The following TRIM38 variants were observed in gnomAD, a reference collection of about 807,000 sequenced individuals.
The protein encoded by TRIM38 is E3 ubiquitin-protein ligase TRIM38.
Under a neutral mutation model 35.8 loss-of-function variants are expected in TRIM38, and 35 were observed. The observed-to-expected ratio is 0.98, with a 90% confidence interval of 0.75 to 1.30. The LOEUF (loss-of-function observed/expected upper bound fraction) is 1.30. Among genes scored for constraint, TRIM38 ranks in the 50% most tolerant of loss-of-function variants. TRIM38 has a pLI of 0.00. For synonymous variants in TRIM38, 198 were observed against 204.7 expected (o/e 0.97, Z 0.28); for missense variants, 545 against 556.9 (o/e 0.98, Z 0.21).
At chr6:25,975,680 G>A in intron 7 of TRIM38, 1 of 977,918 alleles carries the variant, frequency 1.0e-6, no homozygotes, top group Non-Finnish European at 1.2e-6. Flanking sequence ...TCTCTAGGTA[G>A]GGTGATCTAT....
chr6:25,980,056 G>A (rs1464685300), intron 7 of TRIM38, among the ~76,000 whole-genome samples: 1 of 152,122 alleles, frequency 6.6e-6, no homozygotes, highest in African/African-American at 2.4e-5. Flanking sequence ...TGTTCAGACT[G>A]TTTTCTGCCT....
At position 25,966,496 on chromosome 6, in the gene TRIM38, C is replaced by T; in HGVS notation, c.-27C>T. On this transcript the variant is annotated 5_prime_UTR_variant, in exon 3 of 8. Coordinates refer to ENST00000357085, the MANE Select transcript of TRIM38 (RefSeq NM_006355.5). ...GCTGCTTCATCTCCATCTCTAGAGC[C>T]AATATTGGAGCTTTTCAATAAAAGC... The T allele has an allele frequency of 1.9e-6, 3 of 1,560,842 alleles. No homozygotes were observed. The highest frequency in any genetic ancestry group is 2.6e-6 in the Non-Finnish European group (3 of 1,154,308).
At chr6:25,968,178 G>A (rs1467460693) in intron 3 of TRIM38, among the ~76,000 whole-genome samples, 3 of 152,166 alleles carry the variant, frequency 2.0e-5, no homozygotes, top group African/African-American at 7.2e-5. Context: ...GGTCTTGTAT[G>A]AAGGCTCTAA....
rs1581612376 is a variant in TRIM38, at chr6:25,983,985, G to GT, written c.*299dup. ...ATTTCCAAGGGTCTTCAGGTGATGA[G>GT]TAGGGGTACCCACAAGTCAGAAGGT... On this transcript the variant is annotated 3_prime_UTR_variant, in exon 8 of 8. Transcript: ENST00000357085. 1 of 256,716 alleles carries GT rather than the reference G, an allele frequency of 3.9e-6. No individual in the cohort carries two copies. Among genetic ancestry groups the GT allele is most frequent in the Admixed American group, 4.9e-5 (1 of 20,492 alleles). 15.9% of individuals were successfully genotyped at this position (256,716 alleles called of 1,614,324 possible).
chr6:25,968,329 G>T (rs1168201683), intron 3 of TRIM38, among the ~76,000 whole-genome samples: 3 of 152,122 alleles, frequency 2.0e-5, no homozygotes, highest in Non-Finnish European at 2.9e-5. Flanking sequence ...AAAGGAACCA[G>T]CTTATGTTGA....
At position 25,972,022 on chromosome 6, in the gene TRIM38, C is replaced by T; in HGVS notation, c.661C>T (p.Leu221=). Residue 221 remains leucine (L), a synonymous_variant, in exon 5 of 8, where the codon CTG becomes TTG. Transcript: ENST00000357085. ...RLRDYEAGLG[L]KSNELKSHIL... is the part of the protein sequence containing the mutation. ...GAGGGACTATGAGGCTGGTCTGGGG[C>T]TGAAGAGCAATGAACTCAAGAGCCA... 6.2e-7 allele frequency: 1 copy of T among 1,614,022 alleles called. No individual in the cohort carries two copies. Among genetic ancestry groups the T allele is most frequent in the African/African-American group, 1.3e-5 (1 of 74,972 alleles).
intron 3 of TRIM38, among the ~76,000 whole-genome samples, chr6:25,967,165 A>G (rs1199443101): frequency 6.6e-6 from 1 of 152,162 alleles, no homozygotes; most frequent in Non-Finnish European, 1.5e-5. Flanking sequence ...GTTATGATGA[A>G]TTTCTTTTTG....
intron 7 of TRIM38, among the ~76,000 whole-genome samples, chr6:25,980,279 G>T (rs184416610): frequency 2.6e-4 from 40 of 152,298 alleles, no homozygotes; most frequent in African/African-American, 8.9e-4. Context: ...ATCCCATGAT[G>T]ATTGTAGATT....
At chr6:25,971,325 C>G (rs1011674915) in intron 4 of TRIM38, among the ~76,000 whole-genome samples, 6 of 152,150 alleles carry the variant, frequency 3.9e-5, no homozygotes, top group Non-Finnish European at 5.9e-5. Flanking sequence ...ATCTGAGTGC[C>G]TGCCTCCCAC....
intron 7 of TRIM38, chr6:25,975,134 T>C: frequency 1.0e-6 from 1 of 973,052 alleles, no homozygotes; most frequent in East Asian, 1.1e-4. Context: ...CCGGGTCAAG[T>C]GAAACTATTT....
rs143022588 is a variant in TRIM38 at position 25,980,990 on chromosome 6, A to T, written c.875-2174A>T. On this transcript the variant is annotated intron_variant, in intron 7 of 7. Coordinates refer to ENST00000357085, the MANE Select transcript of TRIM38 (RefSeq NM_006355.5). ...TTGAAACCCCAAACTTCTGTGAGTC[A>T]GGCTGATAAAAGCTAACTGAATAGA... is the stretch of plus-strand genomic sequence containing the variant. Among the ~76,000 whole-genome samples the T allele has an allele frequency of 5.3e-5, 8 of 152,320 alleles. No homozygotes were observed. In the East Asian group the frequency reaches 1.5e-3, roughly 29 times the overall value.
intron 7 of TRIM38, 54 bp downstream of exon 7, chr6:25,973,339 T>G: frequency 6.3e-7 from 1 of 1,583,078 alleles, no homozygotes. Flanking sequence ...CCTTATGCAG[T>G]AACCAAGTTT....
chr6:25,966,868 G>A lies in TRIM38; in HGVS notation c.346G>A (p.Glu116Lys). 2 of 1,614,202 alleles carry A rather than the reference G, an allele frequency of 1.2e-6. No homozygotes were observed. Among genetic ancestry groups the A allele is most frequent in the Non-Finnish European group, 1.7e-6 (2 of 1,180,036 alleles). The change falls in exon 3 of 8, where the codon GAG becomes AAG. Residue 116 changes from glutamate to lysine, a missense_variant. Glu to Lys is a moderately conservative substitution (Grantham distance 56). Transcript: ENST00000357085. ...DEGQLICWRC[E>K]RAPQHKGHTT... Reference sequence around the variant, plus strand: ...GGGGCAGCTCATCTGCTGGCGCTGTGAGCGGGCACCACAGCACAAAGGGCA... The same window carrying A: ...GGGGCAGCTCATCTGCTGGCGCTGTAAGCGGGCACCACAGCACAAAGGGCA...
Position 25,971,950 on chromosome 6 carries a change from T to C in TRIM38, c.589T>C (p.Tyr197His), listed in dbSNP as rs140646567. 9.3e-6 allele frequency: 15 copies of C among 1,614,042 alleles called. No homozygotes were observed. Among genetic ancestry groups the C allele is most frequent in the Non-Finnish European group, 1.2e-5 (14 of 1,180,028 alleles). Residue 197 changes from tyrosine to histidine, a missense_variant, in exon 5 of 8, where the codon TAT becomes CAT. Tyr to His is a moderately conservative substitution (Grantham distance 83). Transcript: ENST00000357085. ...TTTCCTACATGAGGAAGAGAAGTCT[T>C]ATCTCTGGAGGCTGGAGAAAGAAGA... The part of the protein sequence containing the change: ...QCFLHEEEKS[Y>H]LWRLEKEEQQ...
chr6:25,983,268 T>G lies in TRIM38; in HGVS notation c.979T>G (p.Ser327Ala), dbSNP rs750601805. 43 of 1,614,028 alleles carry G rather than the reference T, an allele frequency of 2.7e-5. No homozygotes were observed. The highest frequency in any genetic ancestry group is 3.5e-5 in the Non-Finnish European group (41 of 1,180,028). ...CACCCAGGAGAATCAGGACACATCT[T>G]CCAGGAGATTTACTGCCTTCCCCTG... ...GYTQENQDTSSRRFTAFPCVL... is the reference protein window; with the variant it reads ...GYTQENQDTSARRFTAFPCVL... The change falls in exon 8 of 8, where the codon TCC becomes GCC. Residue 327 changes from serine (S) to alanine (A), a missense_variant. Physicochemically the swap from Ser to Ala is moderately conservative, Grantham distance 99. Transcript: ENST00000357085.
Position 25,967,524 on chromosome 6 carries a change from C to CTT in TRIM38, c.411+616_411+617dup, listed in dbSNP as rs34579913. 1.7e-3 allele frequency among the ~76,000 whole-genome samples: 152 copies of CTT among 90,900 alleles called. 18 individuals are homozygous for CTT. Among genetic ancestry groups the CTT allele is most frequent in the African/African-American group, 6.6e-3 (139 of 21,056 alleles). 59.6% of individuals were successfully genotyped at this position (90,900 alleles called of 152,430 possible). On this transcript the variant is annotated intron_variant, in intron 3 of 7. Transcript: ENST00000357085. Reference sequence around the variant, plus strand: ...TGAAAATATCACTCTGGTACCTCTACTTTTTTTTTTTTTTTTTTTTTTTTT... The same window carrying CTT: ...TGAAAATATCACTCTGGTACCTCTACTTTTTTTTTTTTTTTTTTTTTTTTTTT...
At chr6:25,963,864 A>C (rs1271762655) in intron 2 of TRIM38, among the ~76,000 whole-genome samples, 1 of 152,100 alleles carries the variant, frequency 6.6e-6, no homozygotes, top group Admixed American at 6.6e-5. Flanking sequence ...GGTATTCACT[A>C]TTCTCCTTTC....
At chr6:25,963,492 C>T (rs1759916405) in intron 2 of TRIM38, among the ~76,000 whole-genome samples, 1 of 152,046 alleles carries the variant, frequency 6.6e-6, no homozygotes, top group Non-Finnish European at 1.5e-5. Flanking sequence ...CCCTGGCCTC[C>T]CCCATCTTCT....
chr6:25,975,110 G>C, intron 7 of TRIM38: 8 of 959,104 alleles, frequency 8.3e-6, no homozygotes, highest in Non-Finnish European at 9.9e-6. Context: ...TCGGCTCACT[G>C]CAAGCTCCGC....
Sources: allele counts gnomAD v4.1 joint callset (sites outside exome capture counted in the v4.1 genomes callset), GRCh38; gene constraint gnomAD v4.1.1; transcripts MANE v1.5; gene names NCBI Gene and HGNC (gene_info 2026-07-23, HGNC 2026-07-21).